BRINP3: variants seen among roughly 807,000 people sequenced by gnomAD.
BRINP3 encodes BMP/retinoic acid inducible neural specific 3, also known as BMP/retinoic acid-inducible neural-specific protein 3.
A neutral mutation model predicts 71.0 loss-of-function variants in BRINP3; 19 were observed. The observed-to-expected ratio is 0.27, with a 90% CI of 0.19 to 0.39. The LOEUF (loss-of-function observed/expected upper bound fraction) is 0.39, where lower values mean the gene tolerates loss of function less well. Among genes scored for constraint, BRINP3 ranks in the 10% least tolerant of loss-of-function variants. The pLI is 1.00. For missense variants in BRINP3, 959 were observed against 940.8 expected (o/e 1.02, Z -0.25); for synonymous variants, 380 against 337.7 (o/e 1.13, Z -1.37).
chr1:190,339,820 G>A (rs990547494), intron 2 of BRINP3, among the ~76,000 whole-genome samples: 3 of 151,882 alleles, frequency 2.0e-5, no homozygotes, highest in Admixed American at 6.6e-5. Flanking sequence ...ACTTAGCAGA[G>A]ACACACAGTA....
intron 2 of BRINP3, among the ~76,000 whole-genome samples, chr1:190,335,964 A>G (rs372656625): frequency 2.0e-5 from 3 of 152,022 alleles, no homozygotes; most frequent in South Asian, 2.1e-4. Flanking sequence ...AAAAGATTAT[A>G]AGGTAGTGTG....
intron 1 of BRINP3, among the ~76,000 whole-genome samples, chr1:190,476,669 A>G (rs1677524562): frequency 6.6e-6 from 1 of 152,160 alleles, no homozygotes; most frequent in Non-Finnish European, 1.5e-5. Context: ...CTATTCTTGA[A>G]TTTCAATTTA....
intron 2 of BRINP3, among the ~76,000 whole-genome samples, chr1:190,307,321 T>C (rs775613728): frequency 3.4e-4 from 40 of 119,072 alleles, no homozygotes; most frequent in Middle Eastern, 8.2e-3. Flanking sequence ...CAGGCTGGAG[T>C]GCAGTAGAGC....
At chr1:190,286,186 C>T (rs1663413738) in intron 2 of BRINP3, among the ~76,000 whole-genome samples, 1 of 152,146 alleles carries the variant, frequency 6.6e-6, no homozygotes, top group East Asian at 1.9e-4. Flanking sequence ...TTATGTTTGT[C>T]TGCTAAAAAC....
intron 3 of BRINP3, among the ~76,000 whole-genome samples, chr1:190,275,526 A>G (rs1277997394): frequency 6.6e-6 from 1 of 151,610 alleles, no homozygotes; most frequent in Non-Finnish European, 1.5e-5. Flanking sequence ...GAGGTTCTAA[A>G]CCATAATAAC....
intron 6 of BRINP3, among the ~76,000 whole-genome samples, chr1:190,211,756 A>G (rs1370896537): frequency 6.6e-6 from 1 of 152,144 alleles, no homozygotes; most frequent in East Asian, 1.9e-4. Context: ...AGAAATCATT[A>G]TATAAAACAC....
intron 2 of BRINP3, among the ~76,000 whole-genome samples, chr1:190,353,061 A>G (rs1571836583): frequency 6.6e-6 from 1 of 151,726 alleles, no homozygotes; most frequent in East Asian, 1.9e-4. Flanking sequence ...GGAAAACAAA[A>G]TCTTCATTTA....
intron 1 of BRINP3, among the ~76,000 whole-genome samples, chr1:190,467,097 A>G (rs531808674): frequency 6.6e-5 from 10 of 151,680 alleles, no homozygotes; most frequent in Admixed American, 5.9e-4. Context: ...AAAATGCATT[A>G]TTCATTGACT....
rs753157447 is a variant in BRINP3, at chr1:190,099,004, G to A, written c.1315C>T (p.Leu439=). The change falls in exon 8 of 8, where the codon CTG becomes TTG. Residue 439 remains leucine, a synonymous_variant. Transcript: ENST00000367462. ...PNDQVVCTAF[L]PCTVGDASAC... is the part of the protein sequence containing the mutation. The stretch of plus-strand genomic sequence containing the variant: ...GAGGCGTCTCCCACTGTGCAGGGCA[G>A]GAACGCGGTGCAGACCACCTGGTCA... The A allele has an allele frequency of 1.2e-6, 2 of 1,614,200 alleles. No homozygotes were observed. Among genetic ancestry groups the A allele is most frequent in the Non-Finnish European group, 1.7e-6 (2 of 1,180,034 alleles).
chr1:190,193,282 T>C (rs1366742768), intron 6 of BRINP3, among the ~76,000 whole-genome samples: 1 of 151,892 alleles, frequency 6.6e-6, no homozygotes, highest in Non-Finnish European at 1.5e-5. Flanking sequence ...AAGAACAAGA[T>C]GATGTTTTAG....
intron 6 of BRINP3, among the ~76,000 whole-genome samples, chr1:190,219,754 C>T (rs1042318010): frequency 6.6e-6 from 1 of 151,724 alleles, no homozygotes; most frequent in Non-Finnish European, 1.5e-5. Context: ...AGGAGAATCG[C>T]TTGAACCTGG....
chr1:190,289,420 G>T (rs1035756582), intron 2 of BRINP3, among the ~76,000 whole-genome samples: 1 of 151,864 alleles, frequency 6.6e-6, no homozygotes, highest in African/African-American at 2.4e-5. Context: ...TTAATTTTAT[G>T]TCTTTCATAT....
intron 2 of BRINP3, among the ~76,000 whole-genome samples, chr1:190,419,638 T>C (rs555900389): frequency 6.6e-6 from 1 of 151,724 alleles, no homozygotes; most frequent in African/African-American, 2.4e-5. Flanking sequence ...TTCTCATACA[T>C]TTTCTCTGTT....
At chr1:190,171,121 T>C (rs893627711) in intron 6 of BRINP3, among the ~76,000 whole-genome samples, 1 of 152,126 alleles carries the variant, frequency 6.6e-6, no homozygotes, top group Admixed American at 6.6e-5. Context: ...TGGTGAGAGA[T>C]AATCTCAGAG....
At chr1:190,148,310 A>C (rs937541120) in intron 7 of BRINP3, among the ~76,000 whole-genome samples, 4 of 151,848 alleles carry the variant, frequency 2.6e-5, no homozygotes, top group African/African-American at 9.7e-5. Flanking sequence ...TTTAAAATAA[A>C]TTCTTGCCGG....
intron 2 of BRINP3, among the ~76,000 whole-genome samples, chr1:190,388,434 A>G (rs1473190796): frequency 2.0e-5 from 3 of 151,876 alleles, no homozygotes; most frequent in African/African-American, 7.2e-5. Flanking sequence ...CAGTAATCCA[A>G]TAACAAGTAT....
intron 6 of BRINP3, among the ~76,000 whole-genome samples, chr1:190,203,411 A>ATG (rs566847337): frequency 0.024 from 3,483 of 145,190 alleles, 72 homozygotes; most frequent in South Asian, 0.1. Flanking sequence ...ATATATATGT[A>ATG]TGTGTGTGTG....
At chr1:190,423,081 A>G (rs971732528) in intron 2 of BRINP3, among the ~76,000 whole-genome samples, 1 of 151,744 alleles carries the variant, frequency 6.6e-6, no homozygotes, top group Non-Finnish European at 1.5e-5. Context: ...GCTAGACCCC[A>G]GACCCTTCAT....
intron 7 of BRINP3, among the ~76,000 whole-genome samples, chr1:190,157,090 C>G (rs904677286): frequency 1.3e-5 from 2 of 151,568 alleles, no homozygotes; most frequent in Non-Finnish European, 2.9e-5. Flanking sequence ...CTCAGTATCC[C>G]AAGAGGATTG....
Sources: gnomAD v4.1 joint callset for allele counts (sites outside exome capture counted in the v4.1 genomes callset) on GRCh38, gnomAD v4.1.1 for gene constraint, MANE v1.5 for transcripts, NCBI Gene and HGNC (gene_info 2026-07-23, HGNC 2026-07-21) for gene names.